The following WWOX variants were observed in gnomAD, a reference collection of about 807,000 sequenced individuals.
WWOX encodes the protein WW domain-containing oxidoreductase.
Under a neutral mutation model 46.2 loss-of-function variants are expected in WWOX, and 69 were observed. That is an observed-to-expected ratio of 1.49 (90% CI 1.23 to 1.82). The LOEUF (loss-of-function observed/expected upper bound fraction) is 1.82. WWOX is among the 40% of genes most tolerant of loss of function. WWOX has a pLI of 0.00. For missense variants in WWOX, 919 were observed against 542.6 expected (o/e 1.69, Z -6.89); for synonymous variants, 359 against 202.6 (o/e 1.77, Z -6.56).
intron 8 of WWOX, among the ~76,000 whole-genome samples, chr16:79,123,904 T>G (rs2049694033): frequency 6.6e-6 from 1 of 152,168 alleles, no homozygotes; most frequent in Non-Finnish European, 1.5e-5. Flanking sequence ...GAGGTTTGAT[T>G]AAACCGATAC....
At chr16:79,068,650 CA>C (rs944154860) in intron 8 of WWOX, among the ~76,000 whole-genome samples, 64 of 147,832 alleles carry the variant, frequency 4.3e-4, no homozygotes, top group Middle Eastern at 3.5e-3. Context: ...ACAACAACAA[CA>C]AAAAAAAAAA....
intron 8 of WWOX, among the ~76,000 whole-genome samples, chr16:79,008,242 A>T (rs2047228522): frequency 6.6e-6 from 1 of 152,042 alleles, no homozygotes; most frequent in Non-Finnish European, 1.5e-5. Flanking sequence ...TCACAACATG[A>T]CTGTTGGCTT....
At chr16:79,082,185 C>G (rs563288702) in intron 8 of WWOX, among the ~76,000 whole-genome samples, 5 of 152,312 alleles carry the variant, frequency 3.3e-5, no homozygotes, top group African/African-American at 7.2e-5. Flanking sequence ...TTCCCTGACA[C>G]TCACCTGAAA....
At chr16:78,774,916 A>T (rs887554135) in intron 8 of WWOX, among the ~76,000 whole-genome samples, 1 of 152,200 alleles carries the variant, frequency 6.6e-6, no homozygotes, top group Non-Finnish European at 1.5e-5. Context: ...ACCGTTGCCC[A>T]TAGCACTCAT....
chr16:79,029,042 A>T (rs1165930859), intron 8 of WWOX, among the ~76,000 whole-genome samples: 1 of 149,092 alleles, frequency 6.7e-6, no homozygotes, highest in African/African-American at 2.6e-5. Flanking sequence ...TGACCTGCCA[A>T]AGGGTTGATT....
intron 8 of WWOX, among the ~76,000 whole-genome samples, chr16:79,120,646 C>A (rs765208401): frequency 2.0e-5 from 3 of 152,214 alleles, no homozygotes; most frequent in African/African-American, 7.2e-5. Context: ...TTGTTCTTCG[C>A]CCTTCCCGGC....
chr16:78,164,668 CTCTG>C (rs1292033651), intron 5 of WWOX, among the ~76,000 whole-genome samples: 1 of 152,128 alleles, frequency 6.6e-6, no homozygotes, highest in Non-Finnish European at 1.5e-5. Flanking sequence ...TCTTACTTTT[CTCTG>C]TCTATGTAGA....
At chr16:78,681,894 CG>C (rs2047738558) in intron 8 of WWOX, among the ~76,000 whole-genome samples, 1 of 152,284 alleles carries the variant, frequency 6.6e-6, no homozygotes, top group African/African-American at 2.4e-5. Context: ...GGCCCCACCC[CG>C]CAGAGCCCCT....
chr16:78,476,834 T>C (rs527298228), intron 8 of WWOX, among the ~76,000 whole-genome samples: 7 of 151,880 alleles, frequency 4.6e-5, no homozygotes, highest in Non-Finnish European at 1.0e-4. Flanking sequence ...TTAGAAAAGG[T>C]TGTTTTGTTC....
chr16:78,323,029 G>A (rs186641833), intron 5 of WWOX, among the ~76,000 whole-genome samples: 264 of 152,224 alleles, frequency 1.7e-3, no homozygotes, highest in Middle Eastern at 0.017. Flanking sequence ...GTGACAGAAT[G>A]AGACTCTGTC....
At chr16:78,460,782 C>T (rs1227517202) in intron 8 of WWOX, among the ~76,000 whole-genome samples, 1 of 152,242 alleles carries the variant, frequency 6.6e-6, no homozygotes, top group Non-Finnish European at 1.5e-5. Flanking sequence ...TTTACGCCAT[C>T]CTCCTGACCA....
chr16:78,332,076 C>G (rs920412607), intron 5 of WWOX, among the ~76,000 whole-genome samples: 4 of 152,082 alleles, frequency 2.6e-5, no homozygotes, highest in Admixed American at 6.6e-5. Flanking sequence ...AGGCTCAGCT[C>G]AAGCCTTCCC....
intron 8 of WWOX, among the ~76,000 whole-genome samples, chr16:78,561,933 C>G (rs1372706349): frequency 1.3e-5 from 2 of 151,794 alleles, no homozygotes; most frequent in East Asian, 1.9e-4. Flanking sequence ...ATCTAATTTC[C>G]CATTAAAAGT....
chr16:78,902,658 C>T (rs775160842), intron 8 of WWOX, among the ~76,000 whole-genome samples: 11 of 152,216 alleles, frequency 7.2e-5, no homozygotes, highest in Admixed American at 1.3e-4. Context: ...ACCATTAGGC[C>T]GGCTCTGCAG....
intron 8 of WWOX, among the ~76,000 whole-genome samples, chr16:78,772,667 C>G (rs546245687): frequency 3.0e-4 from 45 of 152,290 alleles, no homozygotes; most frequent in African/African-American, 1.0e-3. Context: ...CTTCAAGCCA[C>G]TGGGGCATAG....
At chr16:78,271,764 C>T (rs138057746) in intron 5 of WWOX, among the ~76,000 whole-genome samples, 111 of 152,256 alleles carry the variant, frequency 7.3e-4, no homozygotes, top group African/African-American at 2.6e-3. Context: ...GGAGGCCTGG[C>T]GGAGAAGCAG....
intron 8 of WWOX, among the ~76,000 whole-genome samples, chr16:79,088,173 C>T (rs1291805008): frequency 6.6e-6 from 1 of 152,198 alleles, no homozygotes; most frequent in Non-Finnish European, 1.5e-5. Flanking sequence ...GCCACTGGGC[C>T]TCAGCCAGGC....
intron 8 of WWOX, among the ~76,000 whole-genome samples, chr16:78,538,029 G>A (rs1182096828): frequency 6.6e-6 from 1 of 152,006 alleles, no homozygotes; most frequent in Non-Finnish European, 1.5e-5. Flanking sequence ...TGAATTATAG[G>A]GCAAATCATG....
chr16:78,565,336 T>C (rs904381201), intron 8 of WWOX, among the ~76,000 whole-genome samples: 1 of 152,246 alleles, frequency 6.6e-6, no homozygotes, highest in Non-Finnish European at 1.5e-5. Context: ...CAGTAGGGCT[T>C]GTTCCTTCTG....
Sources: gnomAD v4.1 joint callset for allele counts (sites outside exome capture counted in the v4.1 genomes callset) on GRCh38, gnomAD v4.1.1 for gene constraint, MANE v1.5 for transcripts, NCBI Gene and HGNC (gene_info 2026-07-23, HGNC 2026-07-21) for gene names.